FCGR2B: variants seen among roughly 807,000 people sequenced by gnomAD.
FCGR2B encodes the protein low affinity immunoglobulin gamma Fc region receptor II-b.
Under a neutral mutation model 24.8 loss-of-function variants are expected in FCGR2B, and 18 were observed. That is an observed-to-expected ratio of 0.73 (90% CI 0.50 to 1.08). FCGR2B has a LOEUF of 1.08. FCGR2B is among the 50% of genes least tolerant of loss of function. The pLI is 0.00. For synonymous variants in FCGR2B, 79 were observed against 109.8 expected, an observed-to-expected ratio of 0.72 and a Z score of 1.75; for missense variants, 215 against 297.6, an observed-to-expected ratio of 0.72 and a Z score of 2.04.
At chr1:161,676,785 C>G (rs1486147922) in intron 6 of FCGR2B, 1 of 169,882 alleles carries the variant, frequency 5.9e-6, no homozygotes, top group Non-Finnish European at 1.2e-5. Context: ...CAGACACTAA[C>G]CAAAGTCCAT....
At position 161,677,742 on chromosome 1, in the gene FCGR2B, T is replaced by C. The variant is rs1682268308; in HGVS notation, c.*189T>C. Reference sequence around the variant, plus strand: ...AAGCCACAGACAATATGGTCCCAAATAACCGACTGCACCTTCTGTGCTTCA... The same window carrying C: ...AAGCCACAGACAATATGGTCCCAAACAACCGACTGCACCTTCTGTGCTTCA... On this transcript the variant is annotated 3_prime_UTR_variant, in exon 8 of 8. Transcript: ENST00000358671. 3.5e-6 allele frequency: 2 copies of C among 577,196 alleles called. No individual in the cohort carries two copies. The highest frequency in any genetic ancestry group is 1.9e-5 in the African/African-American group (1 of 53,044). The allele number at this position is 577,196 out of a possible 1,614,324, so 35.8% of individuals were successfully genotyped here.
intron 4 of FCGR2B, chr1:161,673,541 G>A (rs1346852158): frequency 1.4e-6 from 1 of 726,164 alleles, no homozygotes; most frequent in Non-Finnish European, 2.5e-6. Context: ...GCATTCCTAA[G>A]AACTGAGGTT....
At chr1:161,675,986 C>G (rs1466694684) in intron 6 of FCGR2B, 3 of 232,572 alleles carry the variant, frequency 1.3e-5, no homozygotes, top group African/African-American at 6.6e-5. Flanking sequence ...GGGGTTCAGT[C>G]TCCTCACTGA....
intron 1 of FCGR2B, among the ~76,000 whole-genome samples, chr1:161,669,781 G>T (rs1681529857): frequency 1.0e-5 from 1 of 97,942 alleles, no homozygotes; most frequent in South Asian, 4.1e-4. Flanking sequence ...AATCCAACAG[G>T]ATGTATGCCA....
chr1:161,648,724 C>G, the FCGR2B span, among the ~76,000 whole-genome samples: 2,073 of 150,828 alleles, frequency 0.014, 234 homozygotes, highest in East Asian at 0.25. Flanking sequence ...GAGTTTTGCT[C>G]TGTCGCCCAG....
At chr1:161,654,468 G>T in the FCGR2B span, among the ~76,000 whole-genome samples, 3 of 136,108 alleles carry the variant, frequency 2.2e-5, no homozygotes, top group East Asian at 3.9e-4. Flanking sequence ...TAAGACATTT[G>T]TTCCTTAGAA....
the FCGR2B span, among the ~76,000 whole-genome samples, chr1:161,651,941 GAAATAAAATAAAATAAAATA>G: frequency 1.1e-4 from 12 of 105,386 alleles, no homozygotes; most frequent in Admixed American, 1.0e-3. Flanking sequence ...CTCAAAAACT[GAAATAAAATAAAATAAAATA>G]AAATAAAATA....
At chr1:161,676,875 A>C in intron 6 of FCGR2B, 1 of 181,896 alleles carries the variant, frequency 5.5e-6, no homozygotes, top group Non-Finnish European at 1.1e-5. Flanking sequence ...GGAGTACCAT[A>C]TTTTTCAAAG....
intron 6 of FCGR2B, chr1:161,675,892 C>A (rs1436163298): frequency 8.6e-6 from 2 of 233,034 alleles, no homozygotes; most frequent in Non-Finnish European, 1.7e-5. Flanking sequence ...AGTTCTGATG[C>A]CCATGCACTC....
At chr1:161,677,029 A>G in intron 6 of FCGR2B, 1 of 447,798 alleles carries the variant, frequency 2.2e-6, no homozygotes, top group Non-Finnish European at 3.9e-6. Context: ...CCAATATCTC[A>G]GATCCCAAGC....
intron 6 of FCGR2B, 194 bp from the exon 7 acceptor site, chr1:161,677,134 G>T: frequency 3.3e-6 from 2 of 610,842 alleles, no homozygotes; most frequent in Non-Finnish European, 5.8e-6. Context: ...TTTGCGGAAG[G>T]CTGTGGCTGG....
upstream of FCGR2B, among the ~76,000 whole-genome samples, chr1:161,660,905 A>G (rs1332167958): frequency 1.5e-5 from 1 of 67,560 alleles, no homozygotes; most frequent in Non-Finnish European, 2.9e-5. Context: ...AATACAAAAA[A>G]AAAAAAAGAA....
Position 161,677,754 on chromosome 1 carries a change from C to A in FCGR2B, c.*201C>A, listed in dbSNP as rs1408183800. 5.4e-6 allele frequency: 3 copies of A among 553,928 alleles called. No homozygotes were observed. The highest frequency in any genetic ancestry group is 6.0e-5 in the East Asian group (2 of 33,224). The allele number at this position is 553,928 out of a possible 1,614,324, so 34.3% of individuals were successfully genotyped here. A position where few individuals can be genotyped will look rare whatever the true frequency, so the allele number is the denominator to read the frequency against. ...ATATGGTCCCAAATAACCGACTGCA[C>A]CTTCTGTGCTTCAGCTCTTCTTGAC... is the stretch of plus-strand genomic sequence containing the variant. On this transcript the variant is annotated 3_prime_UTR_variant, in exon 8 of 8. Transcript: ENST00000358671.
rs114873762 is a variant in FCGR2B at position 161,678,020 on chromosome 1, A to G, written c.*467A>G. On this transcript the variant is annotated 3_prime_UTR_variant, in exon 8 of 8. Transcript: ENST00000358671. ...TTTTCTTTATTTTTCTATAAAGATCATATATTACTTTTATAATAAAACATT... is the reference window on the plus strand; with the variant it reads ...TTTTCTTTATTTTTCTATAAAGATCGTATATTACTTTTATAATAAAACATT... 2,817 of 217,580 alleles carry G rather than the reference A, an allele frequency of 0.013. 87 individuals are homozygous for G. The highest frequency in any genetic ancestry group is 0.058 in the African/African-American group (2,580 of 44,632). The allele number at this position is 217,580 out of a possible 1,614,324, so 13.5% of individuals were successfully genotyped here.
At chr1:161,649,747 T>C in the FCGR2B span, among the ~76,000 whole-genome samples, 36 of 149,796 alleles carry the variant, frequency 2.4e-4, no homozygotes, top group Admixed American at 2.0e-4. Context: ...CTTGTGTTGT[T>C]TATAACTAGG....
the FCGR2B span, among the ~76,000 whole-genome samples, chr1:161,649,968 G>A: frequency 2.9e-4 from 44 of 150,372 alleles, 1 homozygote; most frequent in African/African-American, 1.0e-3. Context: ...GTACATTTGG[G>A]AGAAATAAGT....
At chr1:161,652,639 G>C in the FCGR2B span, among the ~76,000 whole-genome samples, 2 of 134,752 alleles carry the variant, frequency 1.5e-5, 1 homozygote, top group Admixed American at 1.6e-4. Flanking sequence ...TGCATTGTCT[G>C]TTGACAGGAT....
At chr1:161,671,344 C>G in intron 2 of FCGR2B, 48 bp from the exon 3 acceptor site, 10 of 1,613,986 alleles carry the variant, frequency 6.2e-6, no homozygotes, top group Non-Finnish European at 8.5e-6. Flanking sequence ...GCCTCTCAAG[C>G]TCCTGGGCTT....
chr1:161,676,942 C>A, intron 6 of FCGR2B: 1 of 297,552 alleles, frequency 3.4e-6, no homozygotes, highest in Non-Finnish European at 6.2e-6. Flanking sequence ...AGCCTTCTCT[C>A]CCTGAAGTCT....
Sources: gnomAD v4.1 joint callset for allele counts (sites outside exome capture counted in the v4.1 genomes callset) on GRCh38, gnomAD v4.1.1 for gene constraint, MANE v1.5 for transcripts, NCBI Gene and HGNC (gene_info 2026-07-23, HGNC 2026-07-21) for gene names.